The following VWCE variants were observed in gnomAD, a reference collection of about 807,000 sequenced individuals.
VWCE encodes the protein von Willebrand factor C and EGF domains, also known as von Willebrand factor C and EGF domain-containing protein.
Under a neutral mutation model 102.9 loss-of-function variants are expected in VWCE, and 68 were observed. That is an observed-to-expected ratio of 0.66 (90% CI 0.54 to 0.81). The LOEUF (loss-of-function observed/expected upper bound fraction) is 0.81, where lower values mean the gene tolerates loss of function less well. VWCE is among the 30% of genes least tolerant of loss of function. The pLI is 0.00. For missense variants in VWCE, 1,137 were observed against 1,263.6 expected, an observed-to-expected ratio of 0.90 and a Z score of 1.52; for synonymous variants, 497 against 515.4, an observed-to-expected ratio of 0.96 and a Z score of 0.48.
At position 61,281,208 on chromosome 11, in the gene VWCE, G is replaced by C. The variant is rs1309095818; in HGVS notation, c.815C>G (p.Ser272Cys). The C allele has an allele frequency of 6.2e-7, 1 of 1,612,922 alleles. No homozygotes were observed. The highest frequency in any genetic ancestry group is 8.5e-7 in the Non-Finnish European group (1 of 1,180,012). The change falls in exon 8 of 20, where the codon TCT becomes TGT. Residue 272 changes from serine to cysteine, a missense_variant. Ser to Cys is a moderately radical substitution (Grantham distance 112, BLOSUM62 -1). This residue lies in a region of VWCE where 575 missense variants were observed against 625.9 expected (regional missense o/e 0.92). Coordinates refer to ENST00000335613, the MANE Select transcript of VWCE (RefSeq NM_152718.2). ...GTGTTGCCGGGGTTGCAGGATGGCA[G>C]ATGGGGCCAGCACGGCTTTCGGGAA... ...EAFPKAVLAP[S>C]AILQPRQHPS...
intron 19 of VWCE, among the ~76,000 whole-genome samples, chr11:61,261,273 G>A (rs907593888): frequency 2.6e-5 from 4 of 151,418 alleles, no homozygotes; most frequent in African/African-American, 4.8e-5. Context: ...AAAATCAGAC[G>A]TTGTCAAGCA....
chr11:61,262,063 C>G lies in VWCE; in HGVS notation c.2230+2424G>C, dbSNP rs537576783. Among the ~76,000 whole-genome samples, 4 of 152,226 alleles carry G rather than the reference C, an allele frequency of 2.6e-5. 1 individual carries two copies. Among genetic ancestry groups the G allele is most frequent in the African/African-American group, 9.6e-5 (4 of 41,522 alleles). ...CCATCTCCCAGGTTCAAGCAATTCT[C>G]CTGCCTCAGCCTCCCAAATAGCTGA... is the stretch of plus-strand genomic sequence containing the variant. On this transcript the variant is annotated intron_variant, in intron 19 of 19. Transcript: ENST00000335613.
chr11:61,258,529 C>G lies in VWCE; in HGVS notation c.*146G>C, dbSNP rs906361919. The G allele has an allele frequency of 1.3e-6, 1 of 784,160 alleles. No individual in the cohort carries two copies. Among genetic ancestry groups the G allele is most frequent in the Non-Finnish European group, 1.7e-6 (1 of 574,840 alleles). The allele number at this position is 784,160 out of a possible 1,614,324, so 48.6% of individuals were successfully genotyped here. On this transcript the variant is annotated 3_prime_UTR_variant, in exon 20 of 20. Transcript: ENST00000335613. ...TTCTTGGGAACAAGGTTACATCCAG[C>G]CTTGGGGGTCTTCCATCCTCACCAG...
Position 61,258,618 on chromosome 11 carries a change from A to T in VWCE, c.*57T>A. On this transcript the variant is annotated 3_prime_UTR_variant, in exon 20 of 20. Coordinates refer to ENST00000335613, the MANE Select transcript of VWCE (RefSeq NM_152718.2). ...TCATCCTTGGAGCTGCCCTGCACAC[A>T]CCCTGGGCCACTGGCAGAGGTCCTC... 5 of 1,330,888 alleles carry T rather than the reference A, an allele frequency of 3.8e-6. No individual in the cohort carries two copies. Among genetic ancestry groups the T allele is most frequent in the Non-Finnish European group, 4.8e-6 (5 of 1,034,662 alleles). The allele number at this position is 1,330,888 out of a possible 1,614,324, so 82.4% of individuals were successfully genotyped here. A position where few individuals can be genotyped will look rare whatever the true frequency, so the allele number is the denominator to read the frequency against.
Position 61,295,000 on chromosome 11 carries a change from G to C in VWCE, c.38C>G (p.Ala13Gly). Residue 13 changes from alanine to glycine, a missense_variant, in exon 1 of 20, where the codon GCG (alanine) becomes GGG (glycine). Transcript: ENST00000335613. This position sits in a 1 kb window ranked among gnomAD's most constrained non-coding sequence, Gnocchi z 6.3. ...GGCTGGTGCCCCCGGCAGCAGGAGC[G>C]CGACACAGGCGGCCCGAAGGAGCAG... is the stretch of plus-strand genomic sequence containing the variant. ...AGLLLRAACV[A>G]LLLPGAPARG... 6.8e-7 allele frequency: 1 copy of C among 1,472,734 alleles called. No individual in the cohort carries two copies. Among genetic ancestry groups the C allele is most frequent in the Non-Finnish European group, 9.0e-7 (1 of 1,113,298 alleles). The allele number at this position is 1,472,734 out of a possible 1,614,324, so 91.2% of individuals were successfully genotyped here.
intron 10 of VWCE, 100 bp from the exon 11 acceptor site, chr11:61,276,780 G>A (rs1045592667): frequency 2.5e-5 from 20 of 789,626 alleles, no homozygotes; most frequent in Non-Finnish European, 3.5e-5. Flanking sequence ...CTGCCTAAAG[G>A]AGGCCACAAG....
intron 4 of VWCE, among the ~76,000 whole-genome samples, chr11:61,288,839 G>A (rs893117563): frequency 1.5e-5 from 2 of 134,014 alleles, no homozygotes; most frequent in Non-Finnish European, 3.2e-5. Flanking sequence ...TTTATGGCGC[G>A]TTTTTTTTTT....
intron 3 of VWCE, 51 bp downstream of exon 3, chr11:61,291,213 C>T: frequency 6.7e-7 from 1 of 1,489,256 alleles, no homozygotes. Context: ...CAGGACATAA[C>T]CTCAATGCTC....
At chr11:61,288,553 A>C (rs978202025) in intron 4 of VWCE, among the ~76,000 whole-genome samples, 1 of 152,114 alleles carries the variant, frequency 6.6e-6, no homozygotes, top group African/African-American at 2.4e-5. Flanking sequence ...TTCCACTGGG[A>C]TGTCTCGTGG....
chr11:61,267,930 G>A (rs530387390), intron 15 of VWCE, among the ~76,000 whole-genome samples: 7 of 151,728 alleles, frequency 4.6e-5, no homozygotes, highest in Admixed American at 6.6e-5. Context: ...CACCAACCCC[G>A]CCTGTCCAGA....
At chr11:61,271,519 G>T (rs1351527814) in intron 14 of VWCE, 156 bp downstream of exon 14, 1 of 654,268 alleles carries the variant, frequency 1.5e-6, no homozygotes, top group African/African-American at 1.8e-5. Flanking sequence ...GGATAAACTC[G>T]GTCCAACCCT....
chr11:61,259,078 C>T lies in VWCE; in HGVS notation c.2465G>A (p.Gly822Asp), dbSNP rs201159342. ...TLPTSPAGAH[G>D]PHSLALGLTA... Reference sequence around the variant, plus strand: ...CAGCCCCAAAGCGAGTGAGTGTGGACCATGAGCTCCTGCCGGGCTTGTAGG... The same window carrying T: ...CAGCCCCAAAGCGAGTGAGTGTGGATCATGAGCTCCTGCCGGGCTTGTAGG... The change falls in exon 20 of 20, where the codon GGT (glycine) becomes GAT (aspartate). Residue 822 changes from glycine to aspartate, a missense_variant. By Grantham distance (94) the Gly-to-Asp change is moderately conservative (BLOSUM62 -1). Coordinates refer to ENST00000335613, the MANE Select transcript of VWCE (RefSeq NM_152718.2). 5 of 1,614,018 alleles carry T rather than the reference C, an allele frequency of 3.1e-6. No individual in the cohort carries two copies. The African/African-American group carries it at 4.0e-5, about 13-fold the overall frequency.
In VWCE at chr11:61,265,199, G is replaced by A; in HGVS notation, c.1979C>T (p.Ala660Val). 3 of 1,489,072 alleles carry A rather than the reference G, an allele frequency of 2.0e-6. No homozygotes were observed. The highest frequency in any genetic ancestry group is 2.7e-6 in the Non-Finnish European group (3 of 1,117,514). 92.2% of individuals were successfully genotyped at this position (1,489,072 alleles called of 1,614,324 possible). A position where few individuals can be genotyped will look rare whatever the true frequency, so the allele number is the denominator to read the frequency against. ...GATGGGGCAGTCCACGGGGGAACAG[G>A]CCACTGAGCCCAGCTGCAGGACACA... ...LSCICLLGSV[A>V]CSPVDCPITC... is the part of the protein sequence containing the mutation. Residue 660 changes from alanine (A) to valine (V), a missense_variant, in exon 17 of 20, where the codon GCC becomes GTC. By Grantham distance (64) the Ala-to-Val change is moderately conservative (BLOSUM62 0). Transcript: ENST00000335613.
intron 10 of VWCE, among the ~76,000 whole-genome samples, chr11:61,277,478 T>C (rs1173935628): frequency 6.7e-6 from 1 of 150,108 alleles, no homozygotes; most frequent in African/African-American, 2.4e-5. Flanking sequence ...CCGGGTGTAA[T>C]GGCATGAGCC....
intron 19 of VWCE, among the ~76,000 whole-genome samples, chr11:61,263,951 C>T (rs1429014751): frequency 6.6e-6 from 1 of 151,534 alleles, no homozygotes; most frequent in Non-Finnish European, 1.5e-5. Context: ...GCAGGCCGGG[C>T]GCAGTGGCTC....
rs372997955 is a variant in VWCE, at chr11:61,294,922, G to T, written c.110+6C>A. On this transcript the variant is annotated splice_donor_region_variant and intron_variant, in intron 1 of 19. Coordinates refer to ENST00000335613, the MANE Select transcript of VWCE (RefSeq NM_152718.2). The surrounding 1 kb of genome is among the most constrained non-coding windows in gnomAD (Gnocchi z 6.3). Reference sequence around the variant, plus strand: ...GGGGGAGCGGGGAGGAGCTCCGGGCGCTTACCTCTCGGCCGCGAAGTGCCC... The same window carrying T: ...GGGGGAGCGGGGAGGAGCTCCGGGCTCTTACCTCTCGGCCGCGAAGTGCCC... The T allele has an allele frequency of 8.5e-6, 12 of 1,406,116 alleles. No individual in the cohort carries two copies. In the South Asian group the frequency reaches 1.6e-4, roughly 19 times the overall value. The allele number at this position is 1,406,116 out of a possible 1,614,324, so 87.1% of individuals were successfully genotyped here.
Position 61,267,474 on chromosome 11 carries a change from G to A in VWCE, c.1953C>T (p.Ser651=), listed in dbSNP as rs752899649. The stretch of plus-strand genomic sequence containing the variant: ...GGGTGGTCCATACCAGGCAGATGCA[G>A]CTCAGACATGGGTCCAGCACAGACG... ...TFPSVLDPCL[S]CICLLGSVAC... is the part of the protein sequence containing the mutation. The change falls in exon 16 of 20, where the codon AGC becomes AGT. Residue 651 remains serine (S), a synonymous_variant. Transcript: ENST00000335613. 1 of 1,614,158 alleles carries A rather than the reference G, an allele frequency of 6.2e-7. No homozygotes were observed. Among genetic ancestry groups the A allele is most frequent in the East Asian group, 2.2e-5 (1 of 44,874 alleles).
Position 61,274,578 on chromosome 11 carries a change from C to G in VWCE, c.1502G>C (p.Cys501Ser), listed in dbSNP as rs751748461. Reference sequence around the variant, plus strand: ...TGCGTACCACCGGCCGTGGAAATAGCATCTCACTGCAGAGGAGAAAGGGAG... The same window carrying G: ...TGCGTACCACCGGCCGTGGAAATAGGATCTCACTGCAGAGGAGAAAGGGAG... ...TDCCTCVPVR[C>S]YFHGRWYADG... is the part of the protein sequence containing the mutation. The change falls in exon 12 of 20, where the codon TGC becomes TCC. Residue 501 changes from cysteine to serine, a missense_variant. By Grantham distance (112) the Cys-to-Ser change is moderately radical. This residue lies in a region of VWCE where 212 missense variants were observed against 235.1 expected (regional missense o/e 0.90). Coordinates refer to ENST00000335613, the MANE Select transcript of VWCE (RefSeq NM_152718.2). 6.2e-7 allele frequency: 1 copy of G among 1,613,856 alleles called. No individual in the cohort carries two copies. Among genetic ancestry groups the G allele is most frequent in the East Asian group, 2.2e-5 (1 of 44,866 alleles).
rs1394027105 is a variant in VWCE at position 61,290,855 on chromosome 11, C to T, written c.368G>A (p.Arg123Gln). Residue 123 changes from arginine to glutamine, a missense_variant, in exon 4 of 20, where the codon CGA (arginine) becomes CAA (glutamine). Transcript: ENST00000335613. Reference protein sequence around the residue: ...CNHGGCQEVARVCPVGFSMTE... With the variant: ...CNHGGCQEVAQVCPVGFSMTE... ...CATCGAGAAGCCCACGGGGCACACTCGGGCCACCTCCTGACAGCCTCCATG... is the reference window on the plus strand; with the variant it reads ...CATCGAGAAGCCCACGGGGCACACTTGGGCCACCTCCTGACAGCCTCCATG... 14 of 1,613,730 alleles carry T rather than the reference C, an allele frequency of 8.7e-6. No homozygotes were observed. Among genetic ancestry groups the T allele is most frequent in the African/African-American group, 1.3e-5 (1 of 74,818 alleles).
Sources: gnomAD v4.1 joint callset for allele counts (sites outside exome capture counted in the v4.1 genomes callset) on GRCh38, gnomAD v4.1.1 for gene constraint, gnomAD v4.1.1 regional missense constraint, Gnocchi (gnomAD v3.1) non-coding constraint, MANE v1.5 for transcripts, NCBI Gene and HGNC (gene_info 2026-07-23, HGNC 2026-07-21) for gene names.